Variants in SH3D19 observed in about 807,000 individuals in gnomAD.
SH3D19 encodes SH3 domain-containing protein 19.
A neutral mutation model predicts 112.1 loss-of-function variants in SH3D19; 58 were observed. The ratio of observed to expected loss-of-function variants is 0.52; its 90% CI spans 0.42 to 0.64. The LOEUF (loss-of-function observed/expected upper bound fraction) is 0.64, where lower values mean the gene tolerates loss of function less well. Among genes scored for constraint, SH3D19 ranks in the 30% least tolerant of loss-of-function variants. The pLI is 0.00. For synonymous variants in SH3D19, 391 were observed against 448.5 expected (o/e 0.87, Z 1.62); for missense variants, 1,090 against 1,263.4 (o/e 0.86, Z 2.08).
At chr4:151,153,213 G>A (rs1007742082) in intron 9 of SH3D19, among the ~76,000 whole-genome samples, 5 of 151,980 alleles carry the variant, frequency 3.3e-5, no homozygotes, top group Admixed American at 6.6e-5. Flanking sequence ...GCCTCCATAT[G>A]TTTCTTATCT....
At chr4:151,321,220 G>T (rs1458765887) in intron 1 of SH3D19, among the ~76,000 whole-genome samples, 1 of 152,062 alleles carries the variant, frequency 6.6e-6, no homozygotes, top group Admixed American at 6.5e-5. Context: ...GACTATCCTT[G>T]ATTTGCCTGG....
chr4:151,283,330 T>C, intron 1 of SH3D19: 1 of 1,573,250 alleles, frequency 6.4e-7, no homozygotes, highest in Non-Finnish European at 8.7e-7. Context: ...CATGAGATCT[T>C]AATTTGGATC....
intron 9 of SH3D19, among the ~76,000 whole-genome samples, chr4:151,156,812 G>T (rs973428785): frequency 2.0e-5 from 3 of 152,088 alleles, no homozygotes; most frequent in Non-Finnish European, 4.4e-5. Context: ...ATAAACAAAT[G>T]GGCTTATATC....
chr4:151,279,671 G>C (rs886688288), intron 1 of SH3D19: 1 of 821,132 alleles, frequency 1.2e-6, no homozygotes, highest in Non-Finnish European at 1.9e-6. Flanking sequence ...GAATAGGATG[G>C]AGTATGGTGT....
chr4:151,168,601 A>C (rs941455288), intron 7 of SH3D19, among the ~76,000 whole-genome samples: 14 of 151,608 alleles, frequency 9.2e-5, no homozygotes, highest in African/African-American at 3.2e-4. Context: ...TGCCTGGCTA[A>C]TTTTTATTTT....
At chr4:151,257,447 C>T (rs1408021999) in intron 1 of SH3D19, among the ~76,000 whole-genome samples, 1 of 152,062 alleles carries the variant, frequency 6.6e-6, no homozygotes, top group African/African-American at 2.4e-5. Flanking sequence ...GTATAATCTT[C>T]CCCAGTTTTT....
At chr4:151,271,830 T>A (rs1049420312) in intron 1 of SH3D19, among the ~76,000 whole-genome samples, 1 of 152,268 alleles carries the variant, frequency 6.6e-6, no homozygotes, top group Non-Finnish European at 1.5e-5. Flanking sequence ...TAATATCTCA[T>A]TTCTTATGAA....
intron 1 of SH3D19, among the ~76,000 whole-genome samples, chr4:151,317,145 A>G (rs1384753740): frequency 6.6e-6 from 1 of 152,210 alleles, no homozygotes; most frequent in Non-Finnish European, 1.5e-5. Flanking sequence ...CACCGTCTTG[A>G]GCTTTGCCCC....
At chr4:151,237,794 G>A (rs1770243460) in intron 1 of SH3D19, among the ~76,000 whole-genome samples, 1 of 152,150 alleles carries the variant, frequency 6.6e-6, no homozygotes, top group South Asian at 2.1e-4. Context: ...ATTACCTAAA[G>A]GGTAATTATC....
At chr4:151,252,686 C>T (rs1355711633) in intron 1 of SH3D19, among the ~76,000 whole-genome samples, 3 of 152,216 alleles carry the variant, frequency 2.0e-5, no homozygotes, top group Non-Finnish European at 4.4e-5. Flanking sequence ...ATATATTCAA[C>T]TGCCTACTGG....
chr4:151,288,638 C>A (rs561196943), intron 1 of SH3D19, among the ~76,000 whole-genome samples: 41 of 151,658 alleles, frequency 2.7e-4, no homozygotes, highest in Middle Eastern at 3.4e-3. Context: ...CACTGCACTC[C>A]AGCCTGGGCG....
chr4:151,208,972 C>T (rs1034083805), intron 2 of SH3D19, among the ~76,000 whole-genome samples: 19 of 152,152 alleles, frequency 1.2e-4, no homozygotes, highest in African/African-American at 2.2e-4. Context: ...CCACCATGCC[C>T]GGCCAGTAAA....
intron 1 of SH3D19, among the ~76,000 whole-genome samples, chr4:151,323,864 CTCTT>C (rs1730783329): frequency 6.6e-6 from 1 of 152,204 alleles, no homozygotes; most frequent in Non-Finnish European, 1.5e-5. Flanking sequence ...ACTGTACAGT[CTCTT>C]GTGAGAATGA....
chr4:151,191,248 T>C (rs1438902831), intron 2 of SH3D19, among the ~76,000 whole-genome samples: 1 of 152,226 alleles, frequency 6.6e-6, no homozygotes, highest in Admixed American at 6.5e-5. Context: ...GGAAGGGACA[T>C]GCCTTGTCTC....
chr4:151,283,111 C>T (rs761827433), intron 1 of SH3D19: 8 of 1,613,372 alleles, frequency 5.0e-6, no homozygotes, highest in Non-Finnish European at 5.1e-6. Flanking sequence ...CTGTCTTCCT[C>T]CACAGATAGA....
At chr4:151,279,046 C>T in intron 1 of SH3D19, 3 of 382,560 alleles carry the variant, frequency 7.8e-6, no homozygotes, top group East Asian at 7.9e-5. Context: ...ATGTAGTGTG[C>T]TGTTGTCAGT....
intron 19 of SH3D19, among the ~76,000 whole-genome samples, chr4:151,122,521 A>ACACACACACC (rs1487861687): frequency 1.3e-5 from 2 of 151,534 alleles, no homozygotes; most frequent in Non-Finnish European, 2.9e-5. Context: ...TCACACACAC[A>ACACACACACC]CACACACACA....
chr4:151,253,599 G>C (rs1004719614), intron 1 of SH3D19, among the ~76,000 whole-genome samples: 1 of 152,124 alleles, frequency 6.6e-6, no homozygotes, highest in Non-Finnish European at 1.5e-5. Context: ...AAATTAGCTG[G>C]GTGTGGTGGC....
At chr4:151,201,742 G>A (rs945749443) in intron 2 of SH3D19, among the ~76,000 whole-genome samples, 2 of 152,208 alleles carry the variant, frequency 1.3e-5, no homozygotes, top group African/African-American at 2.4e-5. Flanking sequence ...CGGGCACAGT[G>A]GCTCATGCCT....
Sources: allele counts gnomAD v4.1 joint callset (sites outside exome capture counted in the v4.1 genomes callset), GRCh38; gene constraint gnomAD v4.1.1; transcripts MANE v1.5; gene names NCBI Gene and HGNC (gene_info 2026-07-23, HGNC 2026-07-21).